The following PCOLCE2 variants were observed in gnomAD, a reference collection of about 807,000 sequenced individuals.
The protein encoded by PCOLCE2 is procollagen C-endopeptidase enhancer 2.
Under a neutral mutation model 47.0 loss-of-function variants are expected in PCOLCE2, and 42 were observed. The observed-to-expected ratio is 0.89, with a 90% CI of 0.70 to 1.16. PCOLCE2 has a LOEUF of 1.16. PCOLCE2 is among the 50% of genes most tolerant of loss of function. PCOLCE2 has a pLI of 0.00. For synonymous variants in PCOLCE2, 169 were observed against 191.7 expected, an observed-to-expected ratio of 0.88 and a Z score of 0.98; for missense variants, 500 against 526.1, an observed-to-expected ratio of 0.95 and a Z score of 0.49.
intron 5 of PCOLCE2, among the ~76,000 whole-genome samples, chr3:142,832,997 T>C (rs1029424639): frequency 6.6e-5 from 10 of 152,206 alleles, no homozygotes; most frequent in Non-Finnish European, 1.0e-4. Context: ...TGATGCTCAA[T>C]AGCCGCCGCC....
At chr3:142,826,685 G>A (rs1435902389) in intron 6 of PCOLCE2, among the ~76,000 whole-genome samples, 4 of 152,146 alleles carry the variant, frequency 2.6e-5, no homozygotes, top group South Asian at 4.1e-4. Context: ...CACACTGTCC[G>A]GGTTCTGCTG....
chr3:142,838,765 C>A lies in PCOLCE2; in HGVS notation c.710+5G>T. 6.2e-7 allele frequency: 1 copy of A among 1,613,078 alleles called. No individual in the cohort carries two copies. Among genetic ancestry groups the A allele is most frequent in the Non-Finnish European group, 8.5e-7 (1 of 1,179,152 alleles). On this transcript the variant is annotated splice_donor_5th_base_variant and intron_variant, in intron 5 of 8. Transcript: ENST00000295992. ...CTATTAAAGACATAAATAGGTGCTA[C>A]TTACGCAGGTGGACTATCACCACAA... is the stretch of plus-strand genomic sequence containing the variant.
intron 2 of PCOLCE2, among the ~76,000 whole-genome samples, chr3:142,867,383 G>A (rs1031471900): frequency 6.6e-6 from 1 of 152,132 alleles, no homozygotes. Context: ...AACTGCAAGA[G>A]TTAAAAACTA....
chr3:142,882,199 T>TA (rs11440595), intron 2 of PCOLCE2, among the ~76,000 whole-genome samples: 66,600 of 148,186 alleles, frequency 0.45, 16,720 homozygotes, highest in Non-Finnish European at 0.57. Context: ...CTGGCTAATT[T>TA]AAAAAAAAAA....
rs1271948648 is a variant in PCOLCE2, at chr3:142,867,037, AG to A, written c.193-18566del. Among the ~76,000 whole-genome samples, 4 of 152,192 alleles carry A rather than the reference AG, an allele frequency of 2.6e-5. No homozygotes were observed. The South Asian group carries it at 6.2e-4, about 24-fold the overall frequency. On this transcript the variant is annotated intron_variant, in intron 2 of 8. Coordinates refer to ENST00000295992, the MANE Select transcript of PCOLCE2 (RefSeq NM_013363.4). ...GTAGAAGCCACATTTGCATAATAAA[AG>A]GTTAGGGTGGGAGGGCCAGTTTTTT...
At chr3:142,863,135 T>C (rs753304600) in intron 2 of PCOLCE2, among the ~76,000 whole-genome samples, 1 of 149,354 alleles carries the variant, frequency 6.7e-6, no homozygotes, top group Non-Finnish European at 1.5e-5. Flanking sequence ...CATTGTTGTT[T>C]TAATTTCACA....
intron 6 of PCOLCE2, among the ~76,000 whole-genome samples, chr3:142,829,408 A>G (rs955863101): frequency 6.6e-6 from 1 of 152,184 alleles, no homozygotes; most frequent in Non-Finnish European, 1.5e-5. Context: ...TCAGTTCCAG[A>G]AACAGAAACT....
intron 2 of PCOLCE2, among the ~76,000 whole-genome samples, chr3:142,869,905 A>G (rs1933352622): frequency 6.6e-6 from 1 of 152,210 alleles, no homozygotes; most frequent in African/African-American, 2.4e-5. Context: ...GGCCTGTGGC[A>G]TGGGTCATAG....
At chr3:142,823,664 A>G in intron 6 of PCOLCE2, 49 bp from the exon 7 acceptor site, 5 of 1,080,880 alleles carry the variant, frequency 4.6e-6, no homozygotes, top group Non-Finnish European at 7.1e-6. Context: ...TTCAAGCATA[A>G]TTGGTCTTTA....
At chr3:142,859,564 GT>G (rs1253853763) in intron 2 of PCOLCE2, among the ~76,000 whole-genome samples, 70 of 144,306 alleles carry the variant, frequency 4.9e-4, no homozygotes, top group East Asian at 2.2e-3. Context: ...TTTCTTTCTT[GT>G]TTTTTTTTTT....
chr3:142,851,509 TAGGA>T, intron 2 of PCOLCE2, among the ~76,000 whole-genome samples: 1 of 152,054 alleles, frequency 6.6e-6, no homozygotes, highest in Non-Finnish European at 1.5e-5. Context: ...CAAACTGGGT[TAGGA>T]TGGAAATCAG....
Position 142,848,249 on chromosome 3 carries a change from G to C in PCOLCE2, c.416C>G (p.Ala139Gly). The C allele has an allele frequency of 1.2e-6, 2 of 1,614,180 alleles. No homozygotes were observed. Among genetic ancestry groups the C allele is most frequent in the Non-Finnish European group, 1.7e-6 (2 of 1,180,014 alleles). Reference protein sequence around the residue: ...DANTAGNGFMAMFSAAEPNER... With the variant: ...DANTAGNGFMGMFSAAEPNER... ...GTTTGGTTCAGCAGCGGAGAACATG[G>C]CCATGAAGCCATTGCCAGCTGTGTT... Residue 139 changes from alanine (A) to glycine (G), a missense_variant, in exon 3 of 9, where the codon GCC becomes GGC. By Grantham distance (60) the Ala-to-Gly change is moderately conservative. Coordinates refer to ENST00000295992, the MANE Select transcript of PCOLCE2 (RefSeq NM_013363.4).
At chr3:142,867,013 T>A (rs115042259) in intron 2 of PCOLCE2, among the ~76,000 whole-genome samples, 1 of 152,186 alleles carries the variant, frequency 6.6e-6, no homozygotes, top group African/African-American at 2.4e-5. Context: ...ACCAGCCAGG[T>A]AGAAGCCACA....
At chr3:142,822,668 T>C (rs558016928) in intron 7 of PCOLCE2, among the ~76,000 whole-genome samples, 1 of 152,306 alleles carries the variant, frequency 6.6e-6, no homozygotes, top group Admixed American at 6.5e-5. Context: ...GGCGTTGTTT[T>C]CACATTTATG....
chr3:142,844,382 A>G (rs1270451088), intron 3 of PCOLCE2, among the ~76,000 whole-genome samples: 1 of 152,164 alleles, frequency 6.6e-6, no homozygotes, highest in Non-Finnish European at 1.5e-5. Context: ...TTTTGTACAC[A>G]TTTGTTTGTA....
rs186239883 is a variant in PCOLCE2, at chr3:142,858,539, T to C, written c.193-10067A>G. ...GTGCGTGCGTGTGTGTGCGTGTGTA[T>C]ATCAAACTAGGATAAAACATAAACT... On this transcript the variant is annotated intron_variant, in intron 2 of 8. Transcript: ENST00000295992. Among the ~76,000 whole-genome samples the C allele has an allele frequency of 2.6e-4, 40 of 152,268 alleles. No individual in the cohort carries two copies. The East Asian group carries it at 7.5e-3, about 29-fold the overall frequency.
chr3:142,884,784 G>A (rs1239051466), intron 2 of PCOLCE2, among the ~76,000 whole-genome samples: 1 of 152,098 alleles, frequency 6.6e-6, no homozygotes, highest in Non-Finnish European at 1.5e-5. Flanking sequence ...AACATTTTAC[G>A]TGAGTAAAAT....
intron 2 of PCOLCE2, among the ~76,000 whole-genome samples, chr3:142,850,830 C>T (rs1443984750): frequency 1.3e-5 from 2 of 152,044 alleles, no homozygotes; most frequent in African/African-American, 4.8e-5. Context: ...GATATGGGGT[C>T]TAAGCAGAGT....
In PCOLCE2 at chr3:142,838,780, T is replaced by G; in HGVS notation, c.700A>C (p.Ser234Arg). Residue 234 changes from serine (S) to arginine (R), a missense_variant, in exon 5 of 9, where the codon AGT (serine) becomes CGT (arginine). Ser to Arg is a moderately radical substitution (Grantham distance 110). Coordinates refer to ENST00000295992, the MANE Select transcript of PCOLCE2 (RefSeq NM_013363.4). ...ATAGGTGCTACTTACGCAGGTGGAC[T>G]ATCACCACAATACTTTCCAATTCTT... ...ARRIGKYCGD[S>R]PPAPIVSERN... 6.2e-7 allele frequency: 1 copy of G among 1,613,606 alleles called. No homozygotes were observed. Among genetic ancestry groups the G allele is most frequent in the South Asian group, 1.1e-5 (1 of 90,992 alleles).
Sources: allele counts gnomAD v4.1 joint callset (sites outside exome capture counted in the v4.1 genomes callset), GRCh38; gene constraint gnomAD v4.1.1; transcripts MANE v1.5; gene names NCBI Gene and HGNC (gene_info 2026-07-23, HGNC 2026-07-21).